PRKCA: variants seen among roughly 807,000 people sequenced by gnomAD.
PRKCA encodes the protein protein kinase C alpha type.
Under a neutral mutation model 87.0 loss-of-function variants are expected in PRKCA, and 27 were observed. The observed-to-expected ratio is 0.31, with a 90% CI of 0.23 to 0.43. The LOEUF is 0.43. Ranked by LOEUF, PRKCA falls within the 20% of genes least tolerant of loss-of-function variation. PRKCA has a pLI of 1.00. For synonymous variants in PRKCA, 329 were observed against 311.1 expected (o/e 1.06, Z -0.61); for missense variants, 518 against 852.3 (o/e 0.61, Z 4.88).
chr17:66,672,389 A>T (rs1175179436), intron 5 of PRKCA, among the ~76,000 whole-genome samples: 2 of 152,206 alleles, frequency 1.3e-5, no homozygotes, highest in Non-Finnish European at 2.9e-5. Context: ...TCAAAATTAC[A>T]GTGTTATTCT....
At chr17:66,580,928 T>TG (rs1337386046) in intron 3 of PRKCA, among the ~76,000 whole-genome samples, 1 of 123,918 alleles carries the variant, frequency 8.1e-6, no homozygotes, top group African/African-American at 3.6e-5. Context: ...TGAGATTTGT[T>TG]GCCCCCCCCC....
At chr17:66,498,890 A>G (rs1861881092) in intron 3 of PRKCA, among the ~76,000 whole-genome samples, 1 of 152,166 alleles carries the variant, frequency 6.6e-6, no homozygotes, top group Non-Finnish European at 1.5e-5. Context: ...AACAAACAGA[A>G]AGCTGGGAGT....
At chr17:66,389,461 C>A (rs1376104558) in intron 2 of PRKCA, among the ~76,000 whole-genome samples, 1 of 152,192 alleles carries the variant, frequency 6.6e-6, no homozygotes, top group East Asian at 1.9e-4. Flanking sequence ...TGCATAAGGA[C>A]ACCTTTGCAG....
At chr17:66,719,053 C>A (rs1166127492) in intron 8 of PRKCA, among the ~76,000 whole-genome samples, 2 of 152,162 alleles carry the variant, frequency 1.3e-5, no homozygotes, top group East Asian at 3.9e-4. Context: ...TGTTTGTGAC[C>A]TCCCCAAAAA....
intron 15 of PRKCA, among the ~76,000 whole-genome samples, chr17:66,787,626 G>A (rs1039308471): frequency 6.6e-6 from 1 of 152,122 alleles, no homozygotes; most frequent in African/African-American, 2.4e-5. Context: ...TTCACAAAAT[G>A]AATCCACCCA....
At chr17:66,789,806 C>T (rs1178015547) in intron 16 of PRKCA, among the ~76,000 whole-genome samples, 1 of 152,204 alleles carries the variant, frequency 6.6e-6, no homozygotes, top group Non-Finnish European at 1.5e-5. Flanking sequence ...ATGCTGTGGG[C>T]CCTAATTGTT....
At chr17:66,682,318 C>A (rs559043545) in intron 5 of PRKCA, among the ~76,000 whole-genome samples, 14 of 152,302 alleles carry the variant, frequency 9.2e-5, no homozygotes, top group African/African-American at 3.1e-4. Context: ...GAGCAGCCAT[C>A]TGAAGCCAAA....
At chr17:66,485,059 C>G (rs1418840933) in intron 2 of PRKCA, among the ~76,000 whole-genome samples, 1 of 152,078 alleles carries the variant, frequency 6.6e-6, no homozygotes, top group Admixed American at 6.6e-5. Context: ...TACATGTTTC[C>G]CTCCCTACCA....
At chr17:66,617,178 G>A (rs1338061115) in intron 3 of PRKCA, among the ~76,000 whole-genome samples, 1 of 152,168 alleles carries the variant, frequency 6.6e-6, no homozygotes, top group Non-Finnish European at 1.5e-5. Flanking sequence ...TCATCTCAGA[G>A]CTTGATGGGG....
chr17:66,688,719 CTT>C (rs1297308672), intron 7 of PRKCA, among the ~76,000 whole-genome samples: 1 of 152,178 alleles, frequency 6.6e-6, no homozygotes, highest in Non-Finnish European at 1.5e-5. Flanking sequence ...ATGAGGATCA[CTT>C]GAGCCCAGGA....
intron 13 of PRKCA, 36 bp downstream of exon 13, chr17:66,742,796 T>G (rs1440170217): frequency 1.2e-6 from 2 of 1,606,276 alleles, no homozygotes; most frequent in Non-Finnish European, 1.7e-6. Context: ...CAACCAGGAC[T>G]CCCAAACTGT....
intron 2 of PRKCA, among the ~76,000 whole-genome samples, chr17:66,330,939 C>A (rs1466634585): frequency 1.3e-5 from 2 of 152,130 alleles, no homozygotes; most frequent in Non-Finnish European, 2.9e-5. Flanking sequence ...TTACTTCTTT[C>A]CTCTTTTAGT....
intron 3 of PRKCA, among the ~76,000 whole-genome samples, chr17:66,545,688 G>A (rs1227415893): frequency 1.3e-5 from 2 of 152,108 alleles, no homozygotes; most frequent in Non-Finnish European, 2.9e-5. Flanking sequence ...AAGGAAAAAT[G>A]TCAGGCAAAA....
chr17:66,334,287 A>C (rs1463409608), intron 2 of PRKCA, among the ~76,000 whole-genome samples: 1 of 152,140 alleles, frequency 6.6e-6, no homozygotes, highest in Non-Finnish European at 1.5e-5. Flanking sequence ...AAACTGTAAT[A>C]TAGTATAAAA....
chr17:66,771,933 G>T (rs1048737550), intron 13 of PRKCA, among the ~76,000 whole-genome samples: 2 of 152,004 alleles, frequency 1.3e-5, no homozygotes, highest in Non-Finnish European at 2.9e-5. Context: ...CTTCCTAATT[G>T]TTCTTTAATG....
chr17:66,574,401 C>T lies in PRKCA; in HGVS notation c.289-66954C>T, dbSNP rs180808833. On this transcript the variant is annotated intron_variant, in intron 3 of 16. Coordinates refer to ENST00000413366, the MANE Select transcript of PRKCA (RefSeq NM_002737.3). ...CAGTCTCTATATTTTTAAATGGGGA[C>T]GACAATAATCCCTGTCTCAGAGTGT... Among the ~76,000 whole-genome samples the T allele has an allele frequency of 2.5e-4, 38 of 152,126 alleles. 1 individual carries two copies. The highest frequency in any genetic ancestry group is 4.1e-4 in the Non-Finnish European group (28 of 68,000).
intron 2 of PRKCA, among the ~76,000 whole-genome samples, chr17:66,343,981 A>G (rs1331201958): frequency 1.3e-5 from 2 of 150,378 alleles, no homozygotes; most frequent in Non-Finnish European, 3.0e-5. Flanking sequence ...AACTTAGAGG[A>G]AAAAAAAAAT....
Position 66,338,574 on chromosome 17 carries a change from T to G in PRKCA, c.205+32447T>G, listed in dbSNP as rs1290050789. The stretch of plus-strand genomic sequence containing the variant: ...AATTTGGTATGATAAGGACTTAACA[T>G]TCCCCCCCACTCATTTTAAACATAT... On this transcript the variant is annotated intron_variant, in intron 2 of 16. Transcript: ENST00000413366. Among the ~76,000 whole-genome samples the G allele has an allele frequency of 2.0e-5, 3 of 152,100 alleles. No homozygotes were observed. In the East Asian group the frequency reaches 5.8e-4, roughly 29 times the overall value.
At chr17:66,567,096 C>T (rs998175598) in intron 3 of PRKCA, among the ~76,000 whole-genome samples, 2 of 152,070 alleles carry the variant, frequency 1.3e-5, no homozygotes, top group South Asian at 2.1e-4. Context: ...TGGAAAAGGT[C>T]GACCTTTCTG....
Sources: gnomAD v4.1 joint callset for allele counts (sites outside exome capture counted in the v4.1 genomes callset) on GRCh38, gnomAD v4.1.1 for gene constraint, MANE v1.5 for transcripts, NCBI Gene and HGNC (gene_info 2026-07-23, HGNC 2026-07-21) for gene names.